The following GPC6 variants were observed in gnomAD, a reference collection of about 807,000 sequenced individuals.
GPC6 encodes glypican 6, also known as glypican-6.
A neutral mutation model predicts 55.2 loss-of-function variants in GPC6; 14 were observed. That is an observed-to-expected ratio of 0.25 (90% CI 0.17 to 0.40). The LOEUF is 0.40. GPC6 is among the 10% of genes least tolerant of loss of function. GPC6 has a pLI of 1.00. For synonymous variants in GPC6, 278 were observed against 259.6 expected (o/e 1.07, Z -0.68); for missense variants, 641 against 708.5 (o/e 0.90, Z 1.08).
intron 1 of GPC6, among the ~76,000 whole-genome samples, chr13:93,410,616 T>C (rs951603374): frequency 3.9e-5 from 6 of 152,286 alleles, no homozygotes; most frequent in East Asian, 1.9e-4. Context: ...GTCAATTTTC[T>C]TTTTCGTTTC....
chr13:93,245,534 G>A (rs911439824), intron 1 of GPC6, among the ~76,000 whole-genome samples: 1 of 152,226 alleles, frequency 6.6e-6, no homozygotes, highest in Non-Finnish European at 1.5e-5. Flanking sequence ...TTCAGTAGTA[G>A]TTCTGGCCTG....
chr13:94,297,904 G>T (rs767707245), intron 5 of GPC6, among the ~76,000 whole-genome samples: 28 of 151,812 alleles, frequency 1.8e-4, no homozygotes, highest in Non-Finnish European at 1.3e-4. Flanking sequence ...ATGAATCAGG[G>T]AGCAAAGAAA....
chr13:93,383,860 A>G (rs891848722), intron 1 of GPC6, among the ~76,000 whole-genome samples: 2 of 152,178 alleles, frequency 1.3e-5, no homozygotes, highest in East Asian at 3.9e-4. Flanking sequence ...CTCTTTCTGA[A>G]TATTCCATCA....
At chr13:93,415,650 G>A (rs1876671386) in intron 1 of GPC6, among the ~76,000 whole-genome samples, 1 of 152,052 alleles carries the variant, frequency 6.6e-6, no homozygotes, top group Admixed American at 6.6e-5. Context: ...TACAGTGTTT[G>A]TTGTTGTTGC....
At chr13:94,316,171 T>TA (rs1002700225) in intron 6 of GPC6, among the ~76,000 whole-genome samples, 2,415 of 148,874 alleles carry the variant, frequency 0.016, 72 homozygotes, top group African/African-American at 0.056. Context: ...AGAACTAACT[T>TA]AAAAAAAAAA....
chr13:93,315,858 A>T (rs1373350390), intron 1 of GPC6, among the ~76,000 whole-genome samples: 1 of 151,996 alleles, frequency 6.6e-6, no homozygotes, highest in Middle Eastern at 3.4e-3. Flanking sequence ...TGTTCTGAAG[A>T]TATTTTGTTG....
chr13:93,311,625 A>G (rs926094782), intron 1 of GPC6, among the ~76,000 whole-genome samples: 2 of 152,192 alleles, frequency 1.3e-5, no homozygotes, highest in African/African-American at 4.8e-5. Flanking sequence ...TTTGGGATTA[A>G]TTTTGTGATC....
At chr13:93,683,350 G>A (rs561558227) in intron 2 of GPC6, among the ~76,000 whole-genome samples, 17 of 151,956 alleles carry the variant, frequency 1.1e-4, no homozygotes, top group Non-Finnish European at 1.8e-4. Context: ...AGGTTCCACA[G>A]TGACCTCTTT....
intron 1 of GPC6, among the ~76,000 whole-genome samples, chr13:93,382,892 G>A (rs1054543018): frequency 3.9e-5 from 6 of 151,980 alleles, no homozygotes; most frequent in African/African-American, 9.7e-5. Flanking sequence ...GTCCTTTGGC[G>A]GTTTCTCTCT....
At chr13:93,446,046 G>A (rs2139295056) in intron 1 of GPC6, among the ~76,000 whole-genome samples, 1 of 152,298 alleles carries the variant, frequency 6.6e-6, no homozygotes, top group Admixed American at 6.5e-5. Context: ...AAAATAATGG[G>A]AGATAATAGG....
chr13:93,342,691 A>G (rs1880300806), intron 1 of GPC6, among the ~76,000 whole-genome samples: 2 of 152,132 alleles, frequency 1.3e-5, no homozygotes, highest in South Asian at 4.1e-4. Context: ...CGTGAAGAGA[A>G]ATGAGTGGAT....
Position 93,543,053 on chromosome 13 carries a change from G to A in GPC6, c.161-2210G>A, listed in dbSNP as rs150883409. 3.3e-5 allele frequency among the ~76,000 whole-genome samples: 5 copies of A among 152,174 alleles called. 1 individual carries two copies. Among genetic ancestry groups the A allele is most frequent in the Admixed American group, 1.3e-4 (2 of 15,264 alleles). On this transcript the variant is annotated intron_variant, in intron 1 of 8. Coordinates refer to ENST00000377047, the MANE Select transcript of GPC6 (RefSeq NM_005708.5). The stretch of plus-strand genomic sequence containing the variant: ...CCTGATCACCGTGGCCAGAACTTCC[G>A]ACACTATGTTGAATAGGAGTGTGAG...
intron 1 of GPC6, among the ~76,000 whole-genome samples, chr13:93,512,766 A>G (rs767250051): frequency 2.0e-5 from 3 of 152,088 alleles, no homozygotes; most frequent in Non-Finnish European, 4.4e-5. Context: ...TGATTTTAGG[A>G]TAAAAATTTG....
chr13:94,076,571 G>A (rs1184994496), intron 4 of GPC6, among the ~76,000 whole-genome samples: 1 of 151,890 alleles, frequency 6.6e-6, no homozygotes, highest in Non-Finnish European at 1.5e-5. Flanking sequence ...ATGTCAAGAA[G>A]CTTTTCCTGT....
At chr13:93,876,583 A>G (rs1740962592) in intron 3 of GPC6, among the ~76,000 whole-genome samples, 1 of 152,042 alleles carries the variant, frequency 6.6e-6, no homozygotes, top group African/African-American at 2.4e-5. Flanking sequence ...TTACCTATCT[A>G]AAAATTTCTT....
intron 2 of GPC6, among the ~76,000 whole-genome samples, chr13:93,638,678 A>C: frequency 6.6e-6 from 1 of 152,120 alleles, no homozygotes; most frequent in East Asian, 1.9e-4. Context: ...AAAGAGACAA[A>C]GTTACAGCTA....
chr13:93,814,370 C>G (rs7331870), intron 2 of GPC6, among the ~76,000 whole-genome samples: 57,936 of 151,960 alleles, frequency 0.38, 11,917 homozygotes, highest in African/African-American at 0.53. Context: ...AATCTCTAAT[C>G]TTTTGAAATT....
intron 1 of GPC6, among the ~76,000 whole-genome samples, chr13:93,385,412 A>G (rs191539026): frequency 1.9e-4 from 29 of 152,356 alleles, no homozygotes; most frequent in Admixed American, 1.9e-3. Flanking sequence ...GCAGAGGGTG[A>G]CTTAATCTCT....
At chr13:94,290,997 G>A (rs528322589) in intron 5 of GPC6, among the ~76,000 whole-genome samples, 1 of 152,278 alleles carries the variant, frequency 6.6e-6, no homozygotes, top group African/African-American at 2.4e-5. Context: ...TTCGAGACCA[G>A]CCTAGCCAAT....
Sources: gnomAD v4.1 joint callset for allele counts (sites outside exome capture counted in the v4.1 genomes callset) on GRCh38, gnomAD v4.1.1 for gene constraint, MANE v1.5 for transcripts, NCBI Gene and HGNC (gene_info 2026-07-23, HGNC 2026-07-21) for gene names.